The following SLC9A8 variants were observed in gnomAD, a reference collection of about 807,000 sequenced individuals.
SLC9A8 encodes the protein sodium/hydrogen exchanger 8.
In SLC9A8, 48 loss-of-function variants were observed where a neutral mutation model predicts 66.6. The observed-to-expected ratio is 0.72, with a 90% confidence interval of 0.57 to 0.92. The LOEUF (loss-of-function observed/expected upper bound fraction) is 0.92, where lower values mean the gene tolerates loss of function less well. SLC9A8 is among the 40% of genes least tolerant of loss of function. The probability of loss-of-function intolerance (pLI) is 0.00; values close to 1 mark genes in which losing one functional copy is unlikely to be tolerated. For synonymous variants in SLC9A8, 274 were observed against 282.6 expected, an observed-to-expected ratio of 0.97 and a Z score of 0.31; for missense variants, 599 against 747.3, an observed-to-expected ratio of 0.80 and a Z score of 2.31.
chr20:49,853,440 C>G (rs1290706939), intron 7 of SLC9A8, among the ~76,000 whole-genome samples: 2 of 152,208 alleles, frequency 1.3e-5, no homozygotes, highest in African/African-American at 4.8e-5. Context: ...CTGTGCCCGG[C>G]CCAGGATACA....
intron 14 of SLC9A8, among the ~76,000 whole-genome samples, chr20:49,885,901 C>T (rs532799939): frequency 1.3e-5 from 2 of 152,340 alleles, no homozygotes; most frequent in Admixed American, 6.5e-5. Context: ...TCACTGGAAA[C>T]CTGTTAGATC....
At chr20:49,872,500 T>G (rs1026396584) in intron 10 of SLC9A8, among the ~76,000 whole-genome samples, 2 of 151,988 alleles carry the variant, frequency 1.3e-5, no homozygotes, top group Non-Finnish European at 2.9e-5. Context: ...GTTTGTTTGT[T>G]TTTGAGACAG....
intron 2 of SLC9A8, among the ~76,000 whole-genome samples, chr20:49,822,035 T>C (rs6020069): frequency 0.57 from 87,281 of 151,896 alleles, 25,816 homozygotes; most frequent in African/African-American, 0.7. Flanking sequence ...GTTTTCTGAT[T>C]TGTAATCAGA....
At chr20:49,853,746 C>T (rs947708206) in intron 7 of SLC9A8, among the ~76,000 whole-genome samples, 3 of 152,246 alleles carry the variant, frequency 2.0e-5, no homozygotes, top group African/African-American at 4.8e-5. Flanking sequence ...TCAGCATCCA[C>T]TCCCTTGGAG....
intron 4 of SLC9A8, among the ~76,000 whole-genome samples, chr20:49,841,348 G>C (rs2087753868): frequency 1.3e-5 from 2 of 151,464 alleles, no homozygotes; most frequent in African/African-American, 4.9e-5. Context: ...AGGCTTCCTG[G>C]AGGAGACTGC....
At chr20:49,867,057 G>A (rs566585886) in intron 10 of SLC9A8, among the ~76,000 whole-genome samples, 1 of 152,196 alleles carries the variant, frequency 6.6e-6, no homozygotes, top group Admixed American at 6.5e-5. Context: ...TAATGTCCTT[G>A]TTTGCTAATT....
At chr20:49,852,769 A>G (rs2146625123) in intron 7 of SLC9A8, among the ~76,000 whole-genome samples, 1 of 151,032 alleles carries the variant, frequency 6.6e-6, no homozygotes, top group African/African-American at 2.5e-5. Flanking sequence ...ACTGTCAGAA[A>G]TACTCTGCCT....
chr20:49,828,343 A>G (rs953441775), intron 3 of SLC9A8, among the ~76,000 whole-genome samples: 1 of 151,556 alleles, frequency 6.6e-6, no homozygotes, highest in Non-Finnish European at 1.5e-5. Context: ...CGGCCTCCCA[A>G]AATGCTGGGA....
intron 3 of SLC9A8, among the ~76,000 whole-genome samples, chr20:49,835,473 C>G (rs1003089105): frequency 2.0e-5 from 3 of 151,978 alleles, no homozygotes; most frequent in Non-Finnish European, 4.4e-5. Flanking sequence ...TTCATTACCC[C>G]AAAAAGAAAC....
intron 2 of SLC9A8, among the ~76,000 whole-genome samples, chr20:49,815,689 GAGCCGAGATCACGCCGCTGCACTCC>G (rs2086522758): frequency 1.3e-5 from 2 of 152,004 alleles, no homozygotes; most frequent in Non-Finnish European, 2.9e-5. Flanking sequence ...AGGTTGCAGT[GAGCCGAGATCACGCCGCTGCACTCC>G]AGCCTGGATG....
At chr20:49,833,556 T>A (rs1321082263) in intron 3 of SLC9A8, among the ~76,000 whole-genome samples, 2 of 152,186 alleles carry the variant, frequency 1.3e-5, no homozygotes, top group African/African-American at 2.4e-5. Context: ...CAGTGCACTC[T>A]GGGAGTGAGC....
chr20:49,849,726 G>T, intron 6 of SLC9A8, 46 bp downstream of exon 6: 1 of 1,462,428 alleles, frequency 6.8e-7, no homozygotes, highest in South Asian at 1.1e-5. Context: ...TACATTCTTA[G>T]AGCTAGTGCA....
chr20:49,834,365 C>CTG lies in SLC9A8; in HGVS notation c.290-5172_290-5171dup, dbSNP rs1176336737. Reference sequence around the variant, plus strand: ...TATATATACTGTATATATATATATACTGTGTATATATATATATACTGTGTA... The same window carrying CTG: ...TATATATACTGTATATATATATATACTGTGTGTATATATATATATACTGTGTA... On this transcript the variant is annotated intron_variant, in intron 3 of 15. Coordinates refer to ENST00000361573, the MANE Select transcript of SLC9A8 (RefSeq NM_015266.3). 3.3e-4 allele frequency among the ~76,000 whole-genome samples: 14 copies of CTG among 43,000 alleles called. 1 individual carries two copies. In the South Asian group the frequency reaches 3.7e-3, roughly 11 times the overall value. The allele number at this position is 43,000 out of a possible 152,430, so 28.2% of individuals were successfully genotyped here.
chr20:49,820,773 G>A (rs1271962283), intron 2 of SLC9A8, among the ~76,000 whole-genome samples: 1 of 151,866 alleles, frequency 6.6e-6, no homozygotes. Flanking sequence ...CTTGAACTCC[G>A]ACCTCAGGTG....
intron 3 of SLC9A8, among the ~76,000 whole-genome samples, chr20:49,837,431 G>C (rs1278278386): frequency 6.6e-6 from 1 of 150,454 alleles, no homozygotes; most frequent in Non-Finnish European, 1.5e-5. Context: ...GGTATGGAGT[G>C]GTATCTCATT....
rs181905095 is a variant in SLC9A8 at position 49,854,960 on chromosome 20, C to T, written c.570-478C>T. 5.6e-4 allele frequency among the ~76,000 whole-genome samples: 86 copies of T among 152,326 alleles called. 1 individual carries two copies. The highest frequency in any genetic ancestry group is 4.8e-3 in the Admixed American group (73 of 15,298). On this transcript the variant is annotated intron_variant, in intron 7 of 15. Transcript: ENST00000361573. ...CTCGGCTGTCTACGCCACTCACCCC[C>T]AAAGCACACTGGGGTTGCTGCTGCT...
chr20:49,849,661 G>C lies in SLC9A8; in HGVS notation c.515G>C (p.Gly172Ala). Residue 172 changes from glycine to alanine, a missense_variant, in exon 6 of 16, where the codon GGA (glycine) becomes GCA (alanine). Physicochemically the swap from Gly to Ala is moderately conservative, Grantham distance 60. Around this residue, in one of 2 missense-constraint regions of SLC9A8, gnomAD observed 467 missense variants for 626.5 expected, o/e 0.75. Transcript: ENST00000361573. ...ATCTCCGCTTTTGTAGTAGGTGGAGGAATTTATTTTCTGGGTCAGGTAAGA... is the reference window on the plus strand; with the variant it reads ...ATCTCCGCTTTTGTAGTAGGTGGAGCAATTTATTTTCTGGGTCAGGTAAGA... ...TAISAFVVGG[G>A]IYFLGQADVI... 1 of 1,612,264 alleles carries C rather than the reference G, an allele frequency of 6.2e-7. No individual in the cohort carries two copies. Among genetic ancestry groups the C allele is most frequent in the Non-Finnish European group, 8.5e-7 (1 of 1,178,316 alleles).
intron 12 of SLC9A8, 135 bp downstream of exon 12, chr20:49,878,198 C>T (rs1600801743): frequency 1.5e-5 from 7 of 480,374 alleles, no homozygotes; most frequent in Non-Finnish European, 1.7e-5. Context: ...TTTAAAGTTT[C>T]TTTTGTTAAA....
chr20:49,841,311 T>TAA lies in SLC9A8; in HGVS notation c.348+1729_348+1730dup, dbSNP rs535960944. The stretch of plus-strand genomic sequence containing the variant: ...GGGCAACAGAGCAAGACCCTGTCTC[T>TAA]AAAAAAAAAAAAAAAAAAGTTGGGG... On this transcript the variant is annotated intron_variant, in intron 4 of 15. Transcript: ENST00000361573. Among the ~76,000 whole-genome samples the TAA allele has an allele frequency of 2.7e-3, 332 of 124,086 alleles. 1 individual carries two copies. The highest frequency in any genetic ancestry group is 8.0e-3 in the African/African-American group (268 of 33,640). 81.4% of individuals were successfully genotyped at this position (124,086 alleles called of 152,430 possible).
Sources: gnomAD v4.1 joint callset for allele counts (sites outside exome capture counted in the v4.1 genomes callset) on GRCh38, gnomAD v4.1.1 for gene constraint, gnomAD v4.1.1 regional missense constraint, MANE v1.5 for transcripts, NCBI Gene and HGNC (gene_info 2026-07-23, HGNC 2026-07-21) for gene names.